Variants in RCBTB1 observed in about 807,000 individuals in gnomAD.
RCBTB1 encodes the protein RCC1 and BTB domain-containing protein 1.
In RCBTB1, 46 loss-of-function variants were observed where a neutral mutation model predicts 62.4. The ratio of observed to expected loss-of-function variants is 0.74; its 90% CI spans 0.58 to 0.94. The LOEUF (loss-of-function observed/expected upper bound fraction) is 0.94. RCBTB1 is among the 40% of genes least tolerant of loss of function. The pLI is 0.00. For missense variants in RCBTB1, 565 were observed against 654.9 expected, an observed-to-expected ratio of 0.86 and a Z score of 1.50; for synonymous variants, 222 against 245.8, an observed-to-expected ratio of 0.90 and a Z score of 0.91.
rs1473297445 is a variant in RCBTB1 at position 49,567,376 on chromosome 13, C to A, written c.-41-56G>T. On this transcript the variant is annotated intron_variant, in intron 2 of 12. Transcript: ENST00000378302. ...ATTAAATAGTCACTGAGCTAACTTT[C>A]AAAAAAAAGACCTGTTAATAAATAC... 6.1e-6 allele frequency: 8 copies of A among 1,310,348 alleles called. No homozygotes were observed. In the South Asian group the frequency reaches 8.2e-5, roughly 13 times the overall value. The allele number at this position is 1,310,348 out of a possible 1,614,324, so 81.2% of individuals were successfully genotyped here. A position where few individuals can be genotyped will look rare whatever the true frequency, so the allele number is the denominator to read the frequency against.
intron 8 of RCBTB1, chr13:49,550,428 T>C: frequency 1.0e-6 from 1 of 984,538 alleles, no homozygotes; most frequent in Non-Finnish European, 1.2e-6. Context: ...CTCAGTAGTA[T>C]GCTTCTTGGG....
At chr13:49,555,071 CCA>C (rs1961732429) in intron 6 of RCBTB1, among the ~76,000 whole-genome samples, 1 of 152,124 alleles carries the variant, frequency 6.6e-6, no homozygotes, top group Admixed American at 6.6e-5. Flanking sequence ...AGTCAGGACC[CCA>C]CAAAAAATCT....
At chr13:49,550,743 T>C (rs1260189704) in intron 8 of RCBTB1, among the ~76,000 whole-genome samples, 1 of 152,148 alleles carries the variant, frequency 6.6e-6, no homozygotes, top group East Asian at 1.9e-4. Flanking sequence ...TCACAGGTGG[T>C]TATTTCAGAG....
intron 4 of RCBTB1, among the ~76,000 whole-genome samples, chr13:49,566,260 AAAAAT>A (rs993570087): frequency 7.5e-6 from 1 of 133,428 alleles, no homozygotes; most frequent in African/African-American, 3.4e-5. Context: ...TGATCAATAA[AAAAAT>A]AAAATAAAAT....
At chr13:49,551,035 G>A in intron 8 of RCBTB1, 1 of 308,322 alleles carries the variant, frequency 3.2e-6, no homozygotes. Flanking sequence ...CCCACGAAGT[G>A]AAGGTTGCAG....
At chr13:49,557,737 T>G (rs183621527) in intron 5 of RCBTB1, among the ~76,000 whole-genome samples, 1 of 151,280 alleles carries the variant, frequency 6.6e-6, no homozygotes. Context: ...CTGGGCAACA[T>G]AGCCAGATTC....
chr13:49,567,420 G>A (rs1963100804), intron 2 of RCBTB1, 100 bp from the exon 3 acceptor site: 6 of 821,554 alleles, frequency 7.3e-6, no homozygotes, highest in Non-Finnish European at 9.3e-6. Context: ...GCTGATTCTA[G>A]AATAAATGAA....
chr13:49,540,944 T>A lies in RCBTB1; in HGVS notation c.1387A>T (p.Ile463Phe). ...TTCTCCACAGTAATTCCTCTCTTGA[T>A]AATGTGCTGACAAAGTTTTTTCAGT... The part of the protein sequence containing the change: ...NRLKKLCQHI[I>F]KRGITVENAF... Residue 463 changes from isoleucine (I) to phenylalanine (F), a missense_variant, in exon 12 of 13, where the codon ATC becomes TTC. Physicochemically the swap from Ile to Phe is conservative, Grantham distance 21. Coordinates refer to ENST00000378302, the MANE Select transcript of RCBTB1 (RefSeq NM_018191.4). 7.4e-6 allele frequency: 12 copies of A among 1,613,826 alleles called. No homozygotes were observed. The highest frequency in any genetic ancestry group is 1.0e-5 in the Non-Finnish European group (12 of 1,180,002).
chr13:49,548,075 A>G (rs746886805), intron 9 of RCBTB1, among the ~76,000 whole-genome samples: 13 of 151,274 alleles, frequency 8.6e-5, no homozygotes, highest in Non-Finnish European at 1.8e-4. Context: ...CACCACACCC[A>G]GCCGGTTCTT....
At chr13:49,568,749 T>G (rs1963200268) in intron 2 of RCBTB1, among the ~76,000 whole-genome samples, 1 of 151,854 alleles carries the variant, frequency 6.6e-6, no homozygotes, top group Non-Finnish European at 1.5e-5. Context: ...ACCAACATGG[T>G]GAAACCTTAT....
Position 49,546,023 on chromosome 13 carries a change from A to G in RCBTB1, c.1046-1160T>C, listed in dbSNP as rs890187348. 1.1e-5 allele frequency: 10 copies of G among 912,478 alleles called. No homozygotes were observed. The African/African-American group carries it at 1.3e-4, about 11-fold the overall frequency. 56.5% of individuals were successfully genotyped at this position (912,478 alleles called of 1,614,324 possible). Reference sequence around the variant, plus strand: ...TCTCCTGGCTACAGAGGAAAGGTAGAAAACCTCTCAAAAGTCAGGCTTCCC... The same window carrying G: ...TCTCCTGGCTACAGAGGAAAGGTAGGAAACCTCTCAAAAGTCAGGCTTCCC... On this transcript the variant is annotated intron_variant, in intron 9 of 12. Transcript: ENST00000378302.
At chr13:49,535,882 G>A (rs775997538) in intron 12 of RCBTB1, among the ~76,000 whole-genome samples, 14 of 152,076 alleles carry the variant, frequency 9.2e-5, no homozygotes, top group African/African-American at 2.2e-4. Context: ...AATTAGCCAG[G>A]TGTGGTGGCA....
At chr13:49,544,614 A>C (rs1960654192) in intron 10 of RCBTB1, 123 bp downstream of exon 10, 1 of 757,324 alleles carries the variant, frequency 1.3e-6, no homozygotes. Context: ...TACTATCTGC[A>C]AAAATATTAA....
chr13:49,539,278 C>T (rs1173808414), intron 12 of RCBTB1: 1 of 152,138 alleles, frequency 6.6e-6, no homozygotes, highest in Non-Finnish European at 1.5e-5. Context: ...CTGTGACAGA[C>T]TCTGGGGAAT....
In RCBTB1 at chr13:49,533,279, A is replaced by G. The variant is rs1349616387; in HGVS notation, c.*843T>C. The G allele has an allele frequency of 6.6e-6, 1 of 152,212 alleles. No individual in the cohort carries two copies. Among genetic ancestry groups the G allele is most frequent in the East Asian group, 1.9e-4 (1 of 5,202 alleles). The allele number at this position is 152,212 out of a possible 1,614,324, so 9.4% of individuals were successfully genotyped here. ...GTCATTATTTTCCTCTTAAGTTTGC[A>G]TTTATAGAAGAAGGTGGTGGGGGAC... On this transcript the variant is annotated 3_prime_UTR_variant, in exon 13 of 13. Transcript: ENST00000378302.
intron 5 of RCBTB1, among the ~76,000 whole-genome samples, chr13:49,559,511 G>C (rs1416532468): frequency 4.6e-5 from 7 of 152,062 alleles, no homozygotes; most frequent in African/African-American, 7.2e-5. Context: ...AAAAAATTAG[G>C]CGGGTGTGGT....
chr13:49,566,781 T>TA lies in RCBTB1; in HGVS notation c.127-14dup. 6.3e-7 allele frequency: 1 copy of TA among 1,591,156 alleles called. No individual in the cohort carries two copies. Among genetic ancestry groups the TA allele is most frequent in the Non-Finnish European group, 8.5e-7 (1 of 1,171,450 alleles). ...CAAATACAAAGACCTAGAAAATAGA[T>TA]AGTTTTTTTTCTGAGTCTTTTGACC... On this transcript the variant is annotated splice_polypyrimidine_tract_variant and intron_variant, in intron 3 of 12. Transcript: ENST00000378302.
chr13:49,539,268 C>T (rs764016499), intron 12 of RCBTB1: 2 of 152,136 alleles, frequency 1.3e-5, no homozygotes, highest in Non-Finnish European at 2.9e-5. Flanking sequence ...CATGCCCACA[C>T]TGTGACAGAC....
At chr13:49,549,789 G>A (rs1253221334) in intron 8 of RCBTB1, 141 bp from the exon 9 acceptor site, 2 of 1,427,972 alleles carry the variant, frequency 1.4e-6, no homozygotes, top group East Asian at 5.2e-5. Flanking sequence ...CCAAGTCACA[G>A]CAACAAAAGC....
Sources: gnomAD v4.1 joint callset for allele counts (sites outside exome capture counted in the v4.1 genomes callset) on GRCh38, gnomAD v4.1.1 for gene constraint, MANE v1.5 for transcripts, NCBI Gene and HGNC (gene_info 2026-07-23, HGNC 2026-07-21) for gene names.